CTNNA2: variants seen among roughly 807,000 people sequenced by gnomAD.
CTNNA2 encodes the protein catenin alpha 2.
CTNNA2 carries 42 observed loss-of-function variants against 101.0 expected under a neutral mutation model. That is an observed-to-expected ratio of 0.42 (90% CI 0.32 to 0.54). The LOEUF (loss-of-function observed/expected upper bound fraction) is 0.54. Ranked by LOEUF, CTNNA2 falls within the 20% of genes least tolerant of loss-of-function variation. CTNNA2 has a pLI of 0.14. For synonymous variants in CTNNA2, 450 were observed against 456.4 expected (o/e 0.99, Z 0.18); for missense variants, 871 against 1,223.1 (o/e 0.71, Z 4.29).
chr2:80,126,266 A>G (rs1425245515), intron 7 of CTNNA2, among the ~76,000 whole-genome samples: 3 of 152,118 alleles, frequency 2.0e-5, no homozygotes, highest in Non-Finnish European at 4.4e-5. Context: ...CACAAGTGTT[A>G]GATTGGGTGG....
At position 79,535,426 on chromosome 2, in the gene CTNNA2, G is replaced by A. The variant is rs892132757; in HGVS notation, c.-6+22219G>A. 1.1e-4 allele frequency among the ~76,000 whole-genome samples: 16 copies of A among 151,908 alleles called. No individual in the cohort carries two copies. In the East Asian group the frequency reaches 2.5e-3, roughly 24 times the overall value. On this transcript the variant is annotated intron_variant, in intron 1 of 18. Transcript: ENST00000402739. ...TCACCATGTTGGCCAGGCTGGTCTC[G>A]AACTCCTGACCTCGTGATCCGCCTG...
At chr2:80,153,049 G>C (rs1389205984) in intron 7 of CTNNA2, among the ~76,000 whole-genome samples, 1 of 152,148 alleles carries the variant, frequency 6.6e-6, no homozygotes, top group African/African-American at 2.4e-5. Context: ...TTTTCTTCCT[G>C]CTCCCGCAGA....
intron 2 of CTNNA2, among the ~76,000 whole-genome samples, chr2:79,710,773 T>C (rs571956811): frequency 1.9e-4 from 29 of 152,200 alleles, no homozygotes; most frequent in Admixed American, 9.2e-4. Context: ...TGTCTGTGAA[T>C]GTACATATTC....
chr2:79,973,416 T>G (rs1690625872), intron 7 of CTNNA2, among the ~76,000 whole-genome samples: 1 of 152,112 alleles, frequency 6.6e-6, no homozygotes, highest in Non-Finnish European at 1.5e-5. Context: ...AAGCTAGAGA[T>G]ATTATTATCA....
At chr2:79,686,952 G>A (rs1683972573) in intron 2 of CTNNA2, among the ~76,000 whole-genome samples, 1 of 152,130 alleles carries the variant, frequency 6.6e-6, no homozygotes, top group Non-Finnish European at 1.5e-5. Flanking sequence ...CAGTGGAAAT[G>A]CTTCTGTTAG....
chr2:79,729,996 G>A (rs1243870171), intron 2 of CTNNA2, among the ~76,000 whole-genome samples: 2 of 152,090 alleles, frequency 1.3e-5, no homozygotes, highest in East Asian at 3.8e-4. Flanking sequence ...ATAAAATTAT[G>A]CAGCCACATC....
intron 2 of CTNNA2, among the ~76,000 whole-genome samples, chr2:79,233,140 T>C (rs537084562): frequency 1.3e-5 from 2 of 152,310 alleles, no homozygotes; most frequent in South Asian, 4.1e-4. Flanking sequence ...TCTCCAGTTA[T>C]GCTTTTAAGT....
chr2:79,795,727 ATTTTGTGTAGGACTCAGAACCACAG>A (rs1345681693), intron 3 of CTNNA2, among the ~76,000 whole-genome samples: 1 of 152,222 alleles, frequency 6.6e-6, no homozygotes, highest in Non-Finnish European at 1.5e-5. Flanking sequence ...GTGCTGCGAT[ATTTTGTGTAGGACTCAGAACCACAG>A]TTTGAAAGAA....
At chr2:80,548,081 A>G (rs774681727) in intron 11 of CTNNA2, among the ~76,000 whole-genome samples, 1 of 152,116 alleles carries the variant, frequency 6.6e-6, no homozygotes, top group Non-Finnish European at 1.5e-5. Flanking sequence ...AATCTCTCAT[A>G]AGGTATTTGG....
chr2:79,343,236 G>A (rs1677179070), intron 3 of CTNNA2, among the ~76,000 whole-genome samples: 1 of 152,024 alleles, frequency 6.6e-6, no homozygotes, highest in African/African-American at 2.4e-5. Context: ...TTTATCTCAT[G>A]TAATATTAAT....
intron 7 of CTNNA2, among the ~76,000 whole-genome samples, chr2:80,263,911 G>T (rs1672807875): frequency 6.6e-6 from 1 of 152,166 alleles, no homozygotes; most frequent in East Asian, 1.9e-4. Context: ...CCTTTTGAAA[G>T]CAATGCATTA....
chr2:80,014,591 C>A (rs1694007618), intron 7 of CTNNA2, among the ~76,000 whole-genome samples: 1 of 152,178 alleles, frequency 6.6e-6, no homozygotes, highest in Non-Finnish European at 1.5e-5. Flanking sequence ...CAACAACCAA[C>A]CTGCTTTCTT....
intron 2 of CTNNA2, among the ~76,000 whole-genome samples, chr2:79,229,022 C>A (rs1055278331): frequency 1.3e-5 from 2 of 152,034 alleles, no homozygotes; most frequent in African/African-American, 4.8e-5. Flanking sequence ...AGTCCTTTTC[C>A]CATTGCTTAT....
chr2:79,563,011 A>T (rs1160656559), intron 1 of CTNNA2, among the ~76,000 whole-genome samples: 1 of 151,992 alleles, frequency 6.6e-6, no homozygotes, highest in African/African-American at 2.4e-5. Flanking sequence ...CAATATATGC[A>T]CTGTCTAACC....
At chr2:80,103,875 C>T (rs1334019251) in intron 7 of CTNNA2, among the ~76,000 whole-genome samples, 2 of 152,180 alleles carry the variant, frequency 1.3e-5, no homozygotes, top group African/African-American at 4.8e-5. Context: ...GCTGGGATTA[C>T]AGGCGCCTGC....
At chr2:79,636,444 GA>G (rs978189538) in intron 1 of CTNNA2, among the ~76,000 whole-genome samples, 6 of 151,998 alleles carry the variant, frequency 3.9e-5, no homozygotes, top group African/African-American at 1.4e-4. Context: ...CATGGGTCTA[GA>G]AGAAGAGGGT....
At chr2:79,193,750 T>A (rs1252465242) in intron 1 of CTNNA2, among the ~76,000 whole-genome samples, 1 of 152,194 alleles carries the variant, frequency 6.6e-6, no homozygotes, top group Non-Finnish European at 1.5e-5. Context: ...ATATTAAGCA[T>A]AAGATATGGT....
intron 4 of CTNNA2, among the ~76,000 whole-genome samples, chr2:79,393,180 C>T (rs1490574231): frequency 6.6e-6 from 1 of 152,170 alleles, no homozygotes; most frequent in East Asian, 1.9e-4. Context: ...CAAGCACCGT[C>T]CCATCCTTAC....
chr2:80,295,765 G>A (rs1361834441), intron 7 of CTNNA2, among the ~76,000 whole-genome samples: 1 of 152,188 alleles, frequency 6.6e-6, no homozygotes, highest in African/African-American at 2.4e-5. Context: ...CTGACTTCTA[G>A]ACCCTATTTC....
Sources: gnomAD v4.1 joint callset for allele counts (sites outside exome capture counted in the v4.1 genomes callset) on GRCh38, gnomAD v4.1.1 for gene constraint, MANE v1.5 for transcripts, NCBI Gene and HGNC (gene_info 2026-07-23, HGNC 2026-07-21) for gene names.